RELB: variants seen among roughly 807,000 people sequenced by gnomAD.
RELB encodes the protein transcription factor RelB.
In RELB, 14 loss-of-function variants were observed where a neutral mutation model predicts 55.4. The ratio of observed to expected loss-of-function variants is 0.25; its 90% CI spans 0.17 to 0.40. RELB has a LOEUF of 0.40. Among genes scored for constraint, RELB ranks in the 10% least tolerant of loss-of-function variants. RELB has a pLI of 1.00. For synonymous variants in RELB, 409 were observed against 371.3 expected, an observed-to-expected ratio of 1.10 and a Z score of -1.17; for missense variants, 669 against 830.7, an observed-to-expected ratio of 0.81 and a Z score of 2.39.
intron 5 of RELB, 85 bp downstream of exon 5, chr19:45,022,295 G>C: frequency 7.2e-7 from 1 of 1,383,498 alleles, no homozygotes; most frequent in South Asian, 1.4e-5. Flanking sequence ...CTTTAGAGCA[G>C]AGGGCAGCTT....
chr19:45,010,420 C>T (rs1438792324), intron 3 of RELB, among the ~76,000 whole-genome samples: 1 of 151,628 alleles, frequency 6.6e-6, no homozygotes, highest in African/African-American at 2.4e-5. Context: ...AACCAAGTCC[C>T]TGCCCTCGCA....
chr19:45,004,884 A>C (rs890503927), intron 2 of RELB, among the ~76,000 whole-genome samples: 1 of 151,414 alleles, frequency 6.6e-6, no homozygotes, highest in African/African-American at 2.4e-5. Context: ...ACAAACAAAA[A>C]AACAGCCGGC....
Position 45,001,692 on chromosome 19 carries a change from G to A in RELB, c.106+7G>A, listed in dbSNP as rs572193946. The stretch of plus-strand genomic sequence containing the variant: ...CCGGAGCTGGGGGCCTTAGGTAAGC[G>A]GGGCTGGGGTTCAGGAGAGGGGTCT... On this transcript the variant is annotated splice_region_variant and intron_variant, in intron 1 of 11. Coordinates refer to ENST00000221452, the MANE Select transcript of RELB (RefSeq NM_006509.4). The A allele has an allele frequency of 2.6e-6, 4 of 1,512,766 alleles. No homozygotes were observed. Among genetic ancestry groups the A allele is most frequent in the African/African-American group, 2.8e-5 (2 of 71,762 alleles). 93.7% of individuals were successfully genotyped at this position (1,512,766 alleles called of 1,614,324 possible).
chr19:45,018,007 C>T (rs1217966477), intron 4 of RELB, among the ~76,000 whole-genome samples: 1 of 151,148 alleles, frequency 6.6e-6, no homozygotes, highest in Non-Finnish European at 1.5e-5. Flanking sequence ...TGGCTCACGC[C>T]TGTAATCCCA....
chr19:45,014,939 G>A (rs1971405135), intron 4 of RELB, among the ~76,000 whole-genome samples: 2 of 139,724 alleles, frequency 1.4e-5, no homozygotes, highest in East Asian at 2.1e-4. Context: ...GTCTTGCTCT[G>A]TTGCCCAGGC....
At chr19:45,014,412 C>T (rs1457922447) in intron 4 of RELB, among the ~76,000 whole-genome samples, 3 of 151,902 alleles carry the variant, frequency 2.0e-5, no homozygotes, top group Non-Finnish European at 2.9e-5. Flanking sequence ...CTCAAGCAAT[C>T]CTCCCACTTT....
intron 4 of RELB, among the ~76,000 whole-genome samples, chr19:45,015,529 G>T (rs770300784): frequency 3.9e-5 from 6 of 151,920 alleles, no homozygotes; most frequent in Non-Finnish European, 2.9e-5. Flanking sequence ...GAGGCCAGGA[G>T]TTCAAGACCA....
At chr19:45,003,913 G>GGGT (rs1971247340) in intron 2 of RELB, among the ~76,000 whole-genome samples, 2 of 52,696 alleles carry the variant, frequency 3.8e-5, no homozygotes, top group Admixed American at 2.4e-4. Context: ...TCTGTTTTTT[G>GGGT]TGTTTTTTTT....
rs1030032186 is a variant in RELB, at chr19:45,025,475, C to T, written c.754+55C>T. 9.8e-5 allele frequency: 154 copies of T among 1,564,910 alleles called. No homozygotes were observed. The Middle Eastern group carries it at 3.7e-3, about 37-fold the overall frequency. ...CCGTCCTCCCAAACCCCTTGACTTC[C>T]GTGCTCACCCTGGTCCCCTCACCAC... On this transcript the variant is annotated intron_variant, in intron 6 of 11. Transcript: ENST00000221452.
In RELB at chr19:45,011,982, G is replaced by A; in HGVS notation, c.210G>A (p.Gly70=). The stretch of plus-strand genomic sequence containing the variant: ...AGGAGAACGGCTTCGGCCTGGACGG[G>A]GGACAGCCGGGCCCGGGCGAGGGGC... ...YIKENGFGLD[G]GQPGPGEGLP... is the part of the protein sequence containing the mutation. The change falls in exon 4 of 12, where the codon GGG becomes GGA. Residue 70 remains glycine (G), a synonymous_variant. Transcript: ENST00000221452. 6.4e-7 allele frequency: 1 copy of A among 1,573,062 alleles called. No individual in the cohort carries two copies. The highest frequency in any genetic ancestry group is 1.9e-5 in the Admixed American group (1 of 52,042).
At chr19:45,006,402 C>A (rs932904498) in intron 2 of RELB, among the ~76,000 whole-genome samples, 1 of 151,918 alleles carries the variant, frequency 6.6e-6, no homozygotes, top group Non-Finnish European at 1.5e-5. Flanking sequence ...CGGGGTTTCA[C>A]CACGTTGGCC....
At chr19:45,006,399 TC>T (rs1488372844) in intron 2 of RELB, among the ~76,000 whole-genome samples, 1 of 151,924 alleles carries the variant, frequency 6.6e-6, no homozygotes, top group African/African-American at 2.4e-5. Context: ...AAACGGGGTT[TC>T]ACCACGTTGG....
At chr19:45,037,226 G>T (rs1313626974) in intron 11 of RELB, among the ~76,000 whole-genome samples, 179 bp from the exon 12 acceptor site, 1 of 151,002 alleles carries the variant, frequency 6.6e-6, no homozygotes, top group Non-Finnish European at 1.5e-5. Context: ...AGGTTGCAGT[G>T]AGCCAAGAGC....
intron 2 of RELB, among the ~76,000 whole-genome samples, chr19:45,009,269 C>T (rs552350680): frequency 1.3e-5 from 2 of 152,154 alleles, no homozygotes; most frequent in South Asian, 4.2e-4. Flanking sequence ...TTAGTAGAGA[C>T]GGGGTTTCGC....
intron 11 of RELB, among the ~76,000 whole-genome samples, chr19:45,036,609 C>T (rs1971688599): frequency 6.6e-6 from 1 of 152,170 alleles, no homozygotes; most frequent in Non-Finnish European, 1.5e-5. Context: ...TGTGTAGGAG[C>T]ATGGTTTCAA....
intron 2 of RELB, among the ~76,000 whole-genome samples, chr19:45,004,567 G>A (rs537287709): frequency 3.6e-4 from 55 of 151,014 alleles, no homozygotes; most frequent in Middle Eastern, 3.4e-3. Context: ...CATCCATAGC[G>A]CTAGTTAAAA....
At position 45,012,204 on chromosome 19, in the gene RELB, C is replaced by A; in HGVS notation, c.432C>A (p.Cys144Ter). The A allele has an allele frequency of 1.3e-6, 2 of 1,513,382 alleles. No homozygotes were observed. The highest frequency in any genetic ancestry group is 2.6e-5 in the South Asian group (2 of 77,770). 93.7% of individuals were successfully genotyped at this position (1,513,382 alleles called of 1,614,324 possible). A position where few individuals can be genotyped will look rare whatever the true frequency, so the allele number is the denominator to read the frequency against. ...KQRGMRFRYE[C>*]EGRSAGSILG... ...GCGGCATGCGCTTCCGCTACGAGTG[C>A]GAGGGCCGCTCGGCCGGCAGCATCC... The change falls in exon 4 of 12, where the codon TGC becomes TGA. Residue 144 changes from cysteine (C) to a stop codon, truncating the protein, a stop_gained. Coordinates refer to ENST00000221452, the MANE Select transcript of RELB (RefSeq NM_006509.4). LOFTEE classifies it high-confidence loss of function.
intron 3 of RELB, 145 bp downstream of exon 3, chr19:45,009,967 A>G (rs1042004213): frequency 4.7e-5 from 41 of 868,552 alleles, no homozygotes; most frequent in Middle Eastern, 3.1e-4. Context: ...GAACGAAGTC[A>G]TGCTCCTAAG....
intron 8 of RELB, among the ~76,000 whole-genome samples, chr19:45,031,581 T>A (rs1971621554): frequency 6.6e-6 from 1 of 152,012 alleles, no homozygotes; most frequent in African/African-American, 2.4e-5. Context: ...TTAATTCTTT[T>A]GTTTGTTTGT....
Sources: allele counts gnomAD v4.1 joint callset (sites outside exome capture counted in the v4.1 genomes callset), GRCh38; gene constraint gnomAD v4.1.1; transcripts MANE v1.5; gene names NCBI Gene and HGNC (gene_info 2026-07-23, HGNC 2026-07-21).